The following YAP1 variants were observed in gnomAD, a reference collection of about 807,000 sequenced individuals.
YAP1 encodes the protein transcriptional coactivator YAP1.
Under a neutral mutation model 56.9 loss-of-function variants are expected in YAP1, and 5 were observed. The ratio of observed to expected loss-of-function variants is 0.09; its 90% CI spans 0.05 to 0.18. The LOEUF (loss-of-function observed/expected upper bound fraction) is 0.18. YAP1 is among the 10% of genes least tolerant of loss of function. The pLI is 1.00. For missense variants in YAP1, 539 were observed against 651.8 expected (o/e 0.83, Z 1.88); for synonymous variants, 265 against 248.1 (o/e 1.07, Z -0.64).
At chr11:102,126,166 A>T (rs1008884973) in intron 2 of YAP1, among the ~76,000 whole-genome samples, 6 of 152,116 alleles carry the variant, frequency 3.9e-5, no homozygotes, top group Admixed American at 3.3e-4. Flanking sequence ...AGTTGTATGT[A>T]AGCTGAATTT....
At chr11:102,181,051 G>C (rs1045381892) in intron 3 of YAP1, among the ~76,000 whole-genome samples, 13 of 152,028 alleles carry the variant, frequency 8.6e-5, no homozygotes, top group African/African-American at 3.1e-4. Context: ...AGGAAGCTGA[G>C]GCAGGAGGTC....
chr11:102,154,689 G>C (rs984501963), intron 2 of YAP1, among the ~76,000 whole-genome samples: 2 of 152,134 alleles, frequency 1.3e-5, no homozygotes, highest in African/African-American at 4.8e-5. Flanking sequence ...AGTCCTACGT[G>C]TAAAACTTAT....
intron 2 of YAP1, among the ~76,000 whole-genome samples, chr11:102,143,777 G>GAC (rs1945161837): frequency 6.6e-6 from 1 of 152,178 alleles, no homozygotes; most frequent in Non-Finnish European, 1.5e-5. Flanking sequence ...CTTAGAAGTT[G>GAC]ATAAAGATTT....
chr11:102,134,580 C>T (rs372092657), intron 2 of YAP1, among the ~76,000 whole-genome samples: 1 of 150,780 alleles, frequency 6.6e-6, no homozygotes, highest in Non-Finnish European at 1.5e-5. Context: ...GATGGAAATA[C>T]GCTTCCAGGT....
intron 3 of YAP1, among the ~76,000 whole-genome samples, chr11:102,168,904 G>A (rs1449585479): frequency 1.3e-5 from 2 of 152,238 alleles, no homozygotes; most frequent in Admixed American, 1.3e-4. Context: ...AAAGCACAGA[G>A]AGGGTAAAGA....
At chr11:102,206,995 C>G (rs983379846) in intron 5 of YAP1, among the ~76,000 whole-genome samples, 1 of 152,130 alleles carries the variant, frequency 6.6e-6, no homozygotes, top group Non-Finnish European at 1.5e-5. Flanking sequence ...CCAGAAGGTA[C>G]TGTTGGTTTT....
intron 2 of YAP1, among the ~76,000 whole-genome samples, chr11:102,159,634 C>T (rs1946150673): frequency 6.6e-6 from 1 of 152,066 alleles, no homozygotes; most frequent in South Asian, 2.1e-4. Flanking sequence ...TTTTGCGTAC[C>T]AGGAGTCACA....
chr11:102,181,882 C>T (rs1158989327), intron 3 of YAP1, among the ~76,000 whole-genome samples: 2 of 152,132 alleles, frequency 1.3e-5, no homozygotes, highest in Non-Finnish European at 2.9e-5. Context: ...AGTGCAGTGG[C>T]GTGATCTGGC....
intron 2 of YAP1, among the ~76,000 whole-genome samples, chr11:102,130,720 C>CTTTTTTTTTTTTTTTTTTTTTTT (rs61175592): frequency 1.0e-5 from 1 of 98,114 alleles, no homozygotes; most frequent in Non-Finnish European, 2.0e-5. Context: ...GATAACTACT[C>CTTTTTTTTTTTTTTTTTTTTTTT]TTTTTTTTTT....
At chr11:102,119,695 T>C (rs560239179) in intron 2 of YAP1, among the ~76,000 whole-genome samples, 6 of 151,756 alleles carry the variant, frequency 4.0e-5, no homozygotes, top group Non-Finnish European at 8.8e-5. Context: ...TCTTTAGTTA[T>C]GTAGAGAAAT....
chr11:102,205,155 A>AAT (rs1555019776), intron 4 of YAP1, among the ~76,000 whole-genome samples: 1 of 148,512 alleles, frequency 6.7e-6, no homozygotes, highest in Admixed American at 6.7e-5. Flanking sequence ...TCAAAAAAAA[A>AAT]TTTTTTTTTT....
chr11:102,188,763 A>AT (rs1177042209), intron 4 of YAP1, among the ~76,000 whole-genome samples: 1 of 152,214 alleles, frequency 6.6e-6, no homozygotes, highest in East Asian at 1.9e-4. Flanking sequence ...CAGTGACAGA[A>AT]TTGCCAATGA....
rs1950493288 is a variant in YAP1 at position 102,233,413 on chromosome 11, C to T, written c.*3473C>T. The T allele has an allele frequency of 6.7e-6, 1 of 150,234 alleles. No homozygotes were observed. Among genetic ancestry groups the T allele is most frequent in the Admixed American group, 6.6e-5 (1 of 15,114 alleles). The allele number at this position is 150,234 out of a possible 1,614,324, so 9.3% of individuals were successfully genotyped here. A position where few individuals can be genotyped will look rare whatever the true frequency, so the allele number is the denominator to read the frequency against. On this transcript the variant is annotated 3_prime_UTR_variant, in exon 9 of 9. Transcript: ENST00000282441. ...TTATGTGGTTCAAATATATTCTTTC[C>T]TTAAACTCTTCTTTGTTGTTTTTAA...
chr11:102,169,957 A>T (rs1033658755), intron 3 of YAP1, among the ~76,000 whole-genome samples: 4 of 152,254 alleles, frequency 2.6e-5, no homozygotes, highest in Admixed American at 6.5e-5. Context: ...TTGAAATAAA[A>T]AAAGTAATTC....
chr11:102,180,355 C>T (rs1159690933), intron 3 of YAP1, among the ~76,000 whole-genome samples: 2 of 151,994 alleles, frequency 1.3e-5, no homozygotes, highest in East Asian at 3.9e-4. Context: ...AGGAATTTCA[C>T]AGTCTAGCCA....
chr11:102,162,775 G>A (rs188710064), intron 3 of YAP1, among the ~76,000 whole-genome samples: 1 of 152,260 alleles, frequency 6.6e-6, no homozygotes, highest in African/African-American at 2.4e-5. Context: ...GCATAAGGGG[G>A]CCGATAACTG....
intron 2 of YAP1, among the ~76,000 whole-genome samples, chr11:102,137,484 T>C (rs1245250674): frequency 6.6e-6 from 1 of 152,198 alleles, no homozygotes; most frequent in Non-Finnish European, 1.5e-5. Flanking sequence ...ATTTAGGTGA[T>C]GGGTATATGA....
intron 2 of YAP1, among the ~76,000 whole-genome samples, chr11:102,140,857 A>G (rs886700653): frequency 4.6e-5 from 7 of 151,962 alleles, no homozygotes; most frequent in African/African-American, 1.7e-4. Flanking sequence ...AAAAAAAAAG[A>G]CATCTTAATC....
chr11:102,152,155 CT>C (rs1945692991), intron 2 of YAP1, among the ~76,000 whole-genome samples: 1 of 152,174 alleles, frequency 6.6e-6, no homozygotes, highest in Non-Finnish European at 1.5e-5. Context: ...AACTTTTGGC[CT>C]ATACTGTCTT....
Sources: allele counts gnomAD v4.1 joint callset (sites outside exome capture counted in the v4.1 genomes callset), GRCh38; gene constraint gnomAD v4.1.1; transcripts MANE v1.5; gene names NCBI Gene and HGNC (gene_info 2026-07-23, HGNC 2026-07-21).